Variants in DNAH9 observed in about 807,000 individuals in gnomAD.
DNAH9 encodes dynein axonemal heavy chain 9, also known as DNAH9 variant protein.
DNAH9 carries 345 observed loss-of-function variants against 471.6 expected under a neutral mutation model. That is an observed-to-expected ratio of 0.73 (90% CI 0.67 to 0.80). The LOEUF is 0.80. Ranked by LOEUF, DNAH9 falls within the 30% of genes least tolerant of loss-of-function variation. The probability of loss-of-function intolerance (pLI) is 0.00; values close to 1 mark genes in which losing one functional copy is unlikely to be tolerated. For missense variants in DNAH9, 5,407 were observed against 5,609.2 expected, an observed-to-expected ratio of 0.96 and a Z score of 1.15; for synonymous variants, 2,093 against 2,123.6, an observed-to-expected ratio of 0.99 and a Z score of 0.40.
At chr17:11,660,668 T>A (rs775285476) in intron 14 of DNAH9, among the ~76,000 whole-genome samples, 4 of 152,208 alleles carry the variant, frequency 2.6e-5, no homozygotes, top group African/African-American at 4.8e-5. Flanking sequence ...AAGTTTGTTG[T>A]TTAATTTCCA....
At chr17:11,607,378 A>T (rs2072530415) in intron 1 of DNAH9, among the ~76,000 whole-genome samples, 1 of 152,124 alleles carries the variant, frequency 6.6e-6, no homozygotes, top group African/African-American at 2.4e-5. Flanking sequence ...GGAACAGACT[A>T]AATGACAAGG....
intron 29 of DNAH9, among the ~76,000 whole-genome samples, chr17:11,741,245 C>T (rs980114832): frequency 1.3e-5 from 2 of 151,950 alleles, no homozygotes; most frequent in South Asian, 4.2e-4. Flanking sequence ...ACATACCCAA[C>T]AAATTAAAAA....
At chr17:11,701,479 T>C (rs369387515) in intron 24 of DNAH9, among the ~76,000 whole-genome samples, 3 of 152,118 alleles carry the variant, frequency 2.0e-5, no homozygotes, top group South Asian at 2.1e-4. Flanking sequence ...TTTGCCCTCA[T>C]TGGCTACAGA....
Position 11,932,804 on chromosome 17 carries a change from T to C in DNAH9, c.12297+599T>C, listed in dbSNP as rs1010835985. 6.8e-6 allele frequency among the ~76,000 whole-genome samples: 1 copy of C among 147,916 alleles called. No individual in the cohort carries two copies. Among genetic ancestry groups the C allele is most frequent in the African/African-American group, 2.5e-5 (1 of 39,714 alleles). On this transcript the variant is annotated intron_variant, in intron 64 of 68. Coordinates refer to ENST00000262442, the MANE Select transcript of DNAH9 (RefSeq NM_001372.4). The surrounding 1 kb of genome is among the most constrained non-coding windows in gnomAD (Gnocchi z 4.3). ...CCCGGGCCCCACCAGACCATACCTA[T>C]GTCTTCACAGCATGGCAGGTAGACT...
At chr17:11,955,301 G>C (rs1975580893) in intron 67 of DNAH9, among the ~76,000 whole-genome samples, 1 of 151,376 alleles carries the variant, frequency 6.6e-6, no homozygotes, top group South Asian at 2.1e-4. Context: ...GGCCCACAAA[G>C]CCTGTAATAT....
intron 14 of DNAH9, among the ~76,000 whole-genome samples, chr17:11,653,657 AGTT>A (rs1567694013): frequency 1.3e-5 from 2 of 152,212 alleles, no homozygotes; most frequent in East Asian, 1.9e-4. Context: ...AGTGAATCAC[AGTT>A]GTTATCTGTG....
At chr17:11,954,097 C>T (rs1414953663) in intron 67 of DNAH9, 1 of 151,634 alleles carries the variant, frequency 6.6e-6, no homozygotes, top group Non-Finnish European at 1.5e-5. Context: ...ATTACTAGGT[C>T]CTGTAGGATA....
intron 1 of DNAH9, among the ~76,000 whole-genome samples, chr17:11,606,690 T>C (rs1023314707): frequency 5.3e-5 from 8 of 152,018 alleles, no homozygotes; most frequent in Non-Finnish European, 1.2e-4. Context: ...TCTCGTGATC[T>C]GCCCACCTCG....
At chr17:11,633,447 C>T (rs947421662) in intron 8 of DNAH9, among the ~76,000 whole-genome samples, 4 of 152,202 alleles carry the variant, frequency 2.6e-5, no homozygotes, top group Non-Finnish European at 5.9e-5. Context: ...TGTTCAGACA[C>T]AGGATCTGTG....
Position 11,598,934 on chromosome 17 carries a change from C to A in DNAH9, c.417+19C>A. ...CTCGGAGGTGAGGGTGGGTTAGTGT[C>A]CCCGCGCGGCTAAAGCTGGGTGGGG... On this transcript the variant is annotated intron_variant, in intron 1 of 68. Coordinates refer to ENST00000262442, the MANE Select transcript of DNAH9 (RefSeq NM_001372.4). The A allele has an allele frequency of 6.8e-7, 1 of 1,466,686 alleles. No homozygotes were observed. Among genetic ancestry groups the A allele is most frequent in the Non-Finnish European group, 9.0e-7 (1 of 1,111,754 alleles). The allele number at this position is 1,466,686 out of a possible 1,614,324, so 90.9% of individuals were successfully genotyped here.
intron 8 of DNAH9, among the ~76,000 whole-genome samples, chr17:11,634,200 A>G (rs1275999931): frequency 6.6e-6 from 1 of 152,148 alleles, no homozygotes; most frequent in Non-Finnish European, 1.5e-5. Context: ...CTTGGGAACT[A>G]GTAGGAAAAC....
Position 11,757,842 on chromosome 17 carries a change from C to CACACA in DNAH9, c.6995+151_6995+155dup, listed in dbSNP as rs1481647195. 3 of 801,970 alleles carry CACACA rather than the reference C, an allele frequency of 3.7e-6. No homozygotes were observed. In the Admixed American group the frequency reaches 8.5e-5, roughly 23 times the overall value. The allele number at this position is 801,970 out of a possible 1,614,324, so 49.7% of individuals were successfully genotyped here. A position where few individuals can be genotyped will look rare whatever the true frequency, so the allele number is the denominator to read the frequency against. On this transcript the variant is annotated intron_variant, in intron 35 of 68. Transcript: ENST00000262442. ...CAGGCATGGCAGATGGCAAAGGGGA[C>CACACA]ACACATTAGGATGGCCATGGGATGC...
rs1471526095 is a variant in DNAH9 at position 11,886,899 on chromosome 17, C to G, written c.11046C>G (p.Ala3682=). Residue 3682 remains alanine (A), a synonymous_variant, in exon 57 of 69, where the codon GCC becomes GCG. Transcript: ENST00000262442. ...REHYRPAAAR[A]SLLYFIMNDL... ...ACTACCGGCCAGCAGCTGCCAGGGC[C>G]TCACTGCTCTACTTCATCATGAACG... 4 of 1,613,056 alleles carry G rather than the reference C, an allele frequency of 2.5e-6. No homozygotes were observed. The highest frequency in any genetic ancestry group is 3.4e-6 in the Non-Finnish European group (4 of 1,179,550).
chr17:11,615,596 A>T (rs963885635), intron 4 of DNAH9, among the ~76,000 whole-genome samples: 1 of 148,918 alleles, frequency 6.7e-6, no homozygotes, highest in Admixed American at 6.7e-5. Flanking sequence ...ACCCCAAAAG[A>T]AAAAAAAAAG....
At chr17:11,861,048 T>A (rs1214712340) in intron 50 of DNAH9, among the ~76,000 whole-genome samples, 3 of 151,948 alleles carry the variant, frequency 2.0e-5, no homozygotes, top group Non-Finnish European at 4.4e-5. Context: ...TTTTATACTT[T>A]AAGTTTTAGG....
At chr17:11,896,110 TTG>T (rs1453873382) in intron 59 of DNAH9, among the ~76,000 whole-genome samples, 1 of 152,238 alleles carries the variant, frequency 6.6e-6, no homozygotes, top group Non-Finnish European at 1.5e-5. Flanking sequence ...TGTCTTCCCT[TTG>T]TGAGTCCTGT....
chr17:11,920,620 C>CAAAA (rs778741343), intron 61 of DNAH9, among the ~76,000 whole-genome samples: 2 of 61,982 alleles, frequency 3.2e-5, no homozygotes, highest in Non-Finnish European at 6.7e-5. Flanking sequence ...GACTCCATCT[C>CAAAA]AAAAAAAAAA....
intron 49 of DNAH9, 141 bp downstream of exon 49, chr17:11,835,039 C>A: frequency 8.6e-7 from 1 of 1,162,340 alleles, no homozygotes; most frequent in Non-Finnish European, 1.2e-6. Flanking sequence ...GCTCATTAAG[C>A]AAGCAAACAT....
chr17:11,659,008 A>T (rs969650088), intron 14 of DNAH9, among the ~76,000 whole-genome samples: 4 of 152,086 alleles, frequency 2.6e-5, no homozygotes, highest in Admixed American at 6.6e-5. Flanking sequence ...TCATAAAATG[A>T]GTTGGGAAGT....
Sources: allele counts gnomAD v4.1 joint callset (sites outside exome capture counted in the v4.1 genomes callset), GRCh38; gene constraint gnomAD v4.1.1; non-coding constraint Gnocchi (gnomAD v3.1); transcripts MANE v1.5; gene names NCBI Gene and HGNC (gene_info 2026-07-23, HGNC 2026-07-21).